SLC14A2: variants seen among roughly 807,000 people sequenced by gnomAD.
The protein encoded by SLC14A2 is solute carrier family 14 member 2.
SLC14A2 carries 91 observed loss-of-function variants against 104.6 expected under a neutral mutation model. The ratio of observed to expected loss-of-function variants is 0.87; its 90% confidence interval spans 0.73 to 1.04. SLC14A2 has a LOEUF of 1.04. SLC14A2 is among the 50% of genes least tolerant of loss of function. SLC14A2 has a pLI of 0.00. For missense variants in SLC14A2, 1,189 were observed against 1,156.0 expected, an observed-to-expected ratio of 1.03 and a Z score of -0.41; for synonymous variants, 476 against 466.4, an observed-to-expected ratio of 1.02 and a Z score of -0.27.
intron 2 of SLC14A2, among the ~76,000 whole-genome samples, chr18:45,599,784 A>G (rs4243275): frequency 0.76 from 116,147 of 152,208 alleles, 44,754 homozygotes; most frequent in African/African-American, 0.86. Flanking sequence ...CCATGTGGCT[A>G]GGGAAGTCTC....
intron 11 of SLC14A2, among the ~76,000 whole-genome samples, chr18:45,664,980 G>A (rs951148952): frequency 8.5e-5 from 13 of 152,160 alleles, no homozygotes; most frequent in Non-Finnish European, 5.9e-5. Flanking sequence ...CAGGCAGAGA[G>A]GAGCTTCAGA....
chr18:45,287,502 A>T (rs569257588), intron 1 of SLC14A2, among the ~76,000 whole-genome samples: 48 of 152,310 alleles, frequency 3.2e-4, no homozygotes, highest in African/African-American at 1.2e-3. Context: ...GGGGGAGTTC[A>T]TGGGGACAGG....
rs202110284 is a variant in SLC14A2 at position 45,236,529 on chromosome 18, A to ATG, written c.-125+23340_-125+23341dup. Among the ~76,000 whole-genome samples, 51 of 101,788 alleles carry ATG rather than the reference A, an allele frequency of 5.0e-4. 10 individuals carry two copies. The highest frequency in any genetic ancestry group is 3.0e-3 in the East Asian group (11 of 3,678). The allele number at this position is 101,788 out of a possible 152,430, so 66.8% of individuals were successfully genotyped here. A position where few individuals can be genotyped will look rare whatever the true frequency, so the allele number is the denominator to read the frequency against. ...TGTATGTGTGTATATATGTGTATAT[A>ATG]TGTATATATACATGTATGTGTGTAT... On this transcript the variant is annotated intron_variant, in intron 1 of 20. Transcript: ENST00000586448.
intron 18 of SLC14A2, among the ~76,000 whole-genome samples, chr18:45,676,359 G>A (rs1291208544): frequency 6.6e-6 from 1 of 152,218 alleles, no homozygotes; most frequent in African/African-American, 2.4e-5. Context: ...TCTGTCCAGA[G>A]TCTCAGAGGA....
At chr18:45,176,599 A>G in the SLC14A2 span, among the ~76,000 whole-genome samples, 3 of 152,194 alleles carry the variant, frequency 2.0e-5, no homozygotes, top group African/African-American at 7.2e-5. Context: ...TAGGAAAGAA[A>G]GGCTAAAGCT....
Position 45,235,884 on chromosome 18 carries a change from CAT to C in SLC14A2, c.-125+22698_-125+22699del, listed in dbSNP as rs1173839720. ...ATATGTGTGTATATATGTATATATA[CAT>C]ATATGTGTGTATGTATGTATATATA... On this transcript the variant is annotated intron_variant, in intron 1 of 20. Coordinates refer to the SLC14A2 transcript ENST00000586448. Among the ~76,000 whole-genome samples, 4 of 86,910 alleles carry C rather than the reference CAT, an allele frequency of 4.6e-5. 1 individual carries two copies. Among genetic ancestry groups the C allele is most frequent in the Non-Finnish European group, 6.9e-5 (3 of 43,522 alleles). The allele number at this position is 86,910 out of a possible 152,430, so 57.0% of individuals were successfully genotyped here.
intron 1 of SLC14A2, among the ~76,000 whole-genome samples, chr18:45,457,182 T>C (rs889773814): frequency 6.6e-5 from 10 of 152,196 alleles, no homozygotes; most frequent in Non-Finnish European, 1.3e-4. Context: ...TTTAATCTCA[T>C]TGAGTCTCAG....
At chr18:45,425,861 G>T (rs1374957050) in intron 1 of SLC14A2, among the ~76,000 whole-genome samples, 1 of 151,864 alleles carries the variant, frequency 6.6e-6, no homozygotes, top group African/African-American at 2.4e-5. Context: ...ACAGTCCTAG[G>T]GTATTTTTTT....
At chr18:45,619,854 G>A (rs2045135997) in intron 1 of SLC14A2, among the ~76,000 whole-genome samples, 1 of 152,182 alleles carries the variant, frequency 6.6e-6, no homozygotes, top group Admixed American at 6.5e-5. Flanking sequence ...CACGAGAAGA[G>A]GGAAAAGTAA....
chr18:45,293,823 C>T (rs1280119916), intron 1 of SLC14A2, among the ~76,000 whole-genome samples: 1 of 152,168 alleles, frequency 6.6e-6, no homozygotes, highest in Non-Finnish European at 1.5e-5. Context: ...GACAACATAG[C>T]TTAGTAAGCA....
chr18:45,391,158 CT>C (rs1197871671), intron 1 of SLC14A2, among the ~76,000 whole-genome samples: 1 of 151,982 alleles, frequency 6.6e-6, no homozygotes, highest in African/African-American at 2.4e-5. Context: ...CAATTCCCAC[CT>C]ATGAGAACAT....
intron 1 of SLC14A2, among the ~76,000 whole-genome samples, chr18:45,355,123 T>G (rs984503956): frequency 6.6e-6 from 1 of 152,198 alleles, no homozygotes; most frequent in African/African-American, 2.4e-5. Context: ...TTAATCTCTT[T>G]GAGCCCAAAT....
chr18:45,448,157 A>T (rs937189810), intron 1 of SLC14A2, among the ~76,000 whole-genome samples: 1 of 152,112 alleles, frequency 6.6e-6, no homozygotes, highest in Admixed American at 6.5e-5. Flanking sequence ...TTGGCTTTTT[A>T]TTTTTGTTGA....
chr18:45,348,467 A>G (rs2085470875), intron 1 of SLC14A2, among the ~76,000 whole-genome samples: 1 of 152,206 alleles, frequency 6.6e-6, no homozygotes, highest in South Asian at 2.1e-4. Context: ...ACTGTAAAGT[A>G]AAGATATTGC....
At chr18:45,524,467 C>G (rs2043562529) in intron 2 of SLC14A2, among the ~76,000 whole-genome samples, 1 of 152,268 alleles carries the variant, frequency 6.6e-6, no homozygotes, top group African/African-American at 2.4e-5. Context: ...GGTGTGGGAC[C>G]AGCCCAGCTG....
rs560105461 is a variant in SLC14A2 at position 45,318,786 on chromosome 18, TA to T, written c.-125+105611del. The stretch of plus-strand genomic sequence containing the variant: ...TGGGCAACAAGAGCAAAACTCTGTC[TA>T]AAAAAAAAAAAAAAATTCGCAGGTC... On this transcript the variant is annotated intron_variant, in intron 1 of 20. Transcript: ENST00000586448. Among the ~76,000 whole-genome samples the T allele has an allele frequency of 6.8e-3, 916 of 135,562 alleles. 2 individuals carry two copies. Among genetic ancestry groups the T allele is most frequent in the South Asian group, 0.012 (52 of 4,228 alleles). The allele number at this position is 135,562 out of a possible 152,430, so 88.9% of individuals were successfully genotyped here. A position where few individuals can be genotyped will look rare whatever the true frequency, so the allele number is the denominator to read the frequency against.
chr18:45,398,015 A>T lies in SLC14A2; in HGVS notation c.-124-85218A>T, dbSNP rs114015853. Among the ~76,000 whole-genome samples the T allele has an allele frequency of 6.2e-3, 943 of 152,288 alleles. 9 individuals carry two copies. Among genetic ancestry groups the T allele is most frequent in the African/African-American group, 0.021 (885 of 41,552 alleles). On this transcript the variant is annotated intron_variant, in intron 1 of 20. Coordinates refer to the SLC14A2 transcript ENST00000586448. ...AATCCTAGCAAGGAGGTTAGGAAGT[A>T]ATATTTATTGAGGGACAACTATAAG...
At chr18:45,477,224 C>CTAACA (rs2087398416) in intron 1 of SLC14A2, among the ~76,000 whole-genome samples, 1 of 152,186 alleles carries the variant, frequency 6.6e-6, no homozygotes, top group Non-Finnish European at 1.5e-5. Context: ...AGTTTTCCTT[C>CTAACA]TAACAGCCAG....
chr18:45,361,239 T>C (rs2085607716), intron 1 of SLC14A2, among the ~76,000 whole-genome samples: 1 of 152,164 alleles, frequency 6.6e-6, no homozygotes, highest in East Asian at 1.9e-4. Flanking sequence ...AAACCCTTAA[T>C]AGAAGAGACT....
Sources: allele counts gnomAD v4.1 joint callset (sites outside exome capture counted in the v4.1 genomes callset), GRCh38; gene constraint gnomAD v4.1.1; transcripts MANE v1.5; gene names NCBI Gene and HGNC (gene_info 2026-07-23, HGNC 2026-07-21).